GALK2: variants seen among roughly 807,000 people sequenced by gnomAD.
GALK2 encodes galactokinase 2.
In GALK2, 36 loss-of-function variants were observed where a neutral mutation model predicts 52.4. The observed-to-expected ratio is 0.69, with a 90% CI of 0.53 to 0.91. The LOEUF is 0.91. GALK2 is among the 40% of genes least tolerant of loss of function. GALK2 has a pLI of 0.00. For missense variants in GALK2, 579 were observed against 559.1 expected, an observed-to-expected ratio of 1.04 and a Z score of -0.36; for synonymous variants, 176 against 199.1, an observed-to-expected ratio of 0.88 and a Z score of 0.98.
At chr15:49,277,956 C>A (rs1160449691) in intron 5 of GALK2, among the ~76,000 whole-genome samples, 1 of 152,032 alleles carries the variant, frequency 6.6e-6, no homozygotes, top group Non-Finnish European at 1.5e-5. Context: ...TGTAAGTAGA[C>A]CCAAATGCTT....
chr15:49,263,968 G>A (rs1048912323), intron 5 of GALK2, among the ~76,000 whole-genome samples: 3 of 151,796 alleles, frequency 2.0e-5, no homozygotes, highest in Non-Finnish European at 4.4e-5. Context: ...TCCCTTTGAG[G>A]GTAACCCGAC....
chr15:49,266,618 G>C (rs569808695), intron 5 of GALK2, among the ~76,000 whole-genome samples: 19 of 152,172 alleles, frequency 1.2e-4, no homozygotes, highest in African/African-American at 4.6e-4. Flanking sequence ...GACATAGATC[G>C]CTTAAAACTG....
At chr15:49,206,825 A>G (rs2088328593) in intron 2 of GALK2, among the ~76,000 whole-genome samples, 1 of 152,054 alleles carries the variant, frequency 6.6e-6, no homozygotes, top group African/African-American at 2.4e-5. Flanking sequence ...TGAATGCCCT[A>G]TATTTCTTTC....
intron 3 of GALK2, among the ~76,000 whole-genome samples, chr15:49,340,108 C>G (rs554850238): frequency 4.6e-5 from 7 of 152,176 alleles, no homozygotes; most frequent in Non-Finnish European, 1.0e-4. Flanking sequence ...CTTCTGCCCC[C>G]TTTCCAGGGG....
At chr15:49,336,035 T>A (rs1240066591), downstream of GALK2, among the ~76,000 whole-genome samples, 1 of 152,142 alleles carries the variant, frequency 6.6e-6, no homozygotes, top group African/African-American at 2.4e-5. Context: ...TTCAAACTCC[T>A]GGGCTCTAGC....
chr15:49,196,808 A>G (rs1023740614), intron 1 of GALK2, among the ~76,000 whole-genome samples: 2 of 152,118 alleles, frequency 1.3e-5, no homozygotes, highest in East Asian at 3.8e-4. Context: ...CCATGTCTTC[A>G]TTTTGATTTG....
At position 49,220,645 on chromosome 15, in the gene GALK2, G is replaced by T. The variant is rs546196318; in HGVS notation, c.266+3332G>T. On this transcript the variant is annotated intron_variant, in intron 3 of 9. Coordinates refer to ENST00000560031, the MANE Select transcript of GALK2 (RefSeq NM_002044.4). The stretch of plus-strand genomic sequence containing the variant: ...ATGGTAGTTGTGTTTTTAGTGCTCT[G>T]AGAAATCTCCCTACTGTTTTGTATA... Among the ~76,000 whole-genome samples the T allele has an allele frequency of 2.0e-5, 3 of 152,256 alleles. No individual in the cohort carries two copies. The South Asian group carries it at 6.2e-4, about 32-fold the overall frequency.
chr15:49,186,770 C>A (rs995734467), intron 1 of GALK2, among the ~76,000 whole-genome samples: 1 of 152,124 alleles, frequency 6.6e-6, no homozygotes, highest in Non-Finnish European at 1.5e-5. Context: ...ATCTCTTGAC[C>A]TCATGATCCG....
At chr15:49,187,450 A>G (rs2086438493) in intron 1 of GALK2, among the ~76,000 whole-genome samples, 1 of 152,158 alleles carries the variant, frequency 6.6e-6, no homozygotes. Flanking sequence ...GTTACCACTG[A>G]TGCTCCCTCA....
chr15:49,246,098 A>T lies in GALK2; in HGVS notation c.504+6731A>T, dbSNP rs540581497. 3.9e-5 allele frequency among the ~76,000 whole-genome samples: 6 copies of T among 152,326 alleles called. No individual in the cohort carries two copies. In the South Asian group the frequency reaches 1.2e-3, roughly 32 times the overall value. Reference sequence around the variant, plus strand: ...TATGAACATTCTATGAAGTTTGGGTATCAAAAATCTTTCGCCAAGAAAATG... The same window carrying T: ...TATGAACATTCTATGAAGTTTGGGTTTCAAAAATCTTTCGCCAAGAAAATG... On this transcript the variant is annotated intron_variant, in intron 5 of 9. Coordinates refer to ENST00000560031, the MANE Select transcript of GALK2 (RefSeq NM_002044.4).
intron 3 of GALK2, among the ~76,000 whole-genome samples, chr15:49,358,483 C>T (rs1459261225): frequency 6.9e-6 from 1 of 144,180 alleles, no homozygotes; most frequent in African/African-American, 2.6e-5. Context: ...AACTCCCATT[C>T]ACAATTGCTT....
intron 3 of GALK2, among the ~76,000 whole-genome samples, chr15:49,223,811 C>G (rs1198764304): frequency 6.6e-6 from 1 of 151,890 alleles, no homozygotes; most frequent in East Asian, 1.9e-4. Flanking sequence ...TGCGTTGATT[C>G]CATGTGTTTG....
At chr15:49,257,297 T>C (rs531415559) in intron 5 of GALK2, among the ~76,000 whole-genome samples, 49 of 152,304 alleles carry the variant, frequency 3.2e-4, no homozygotes, top group Admixed American at 3.0e-3. Context: ...AGACTGTTCC[T>C]CTTGGATGTC....
chr15:49,329,284 A>T lies in GALK2; in HGVS notation c.*1125A>T. 1 of 985,492 alleles carries T rather than the reference A, an allele frequency of 1.0e-6. No homozygotes were observed. Among genetic ancestry groups the T allele is most frequent in the Non-Finnish European group, 1.2e-6 (1 of 829,970 alleles). 61.0% of individuals were successfully genotyped at this position (985,492 alleles called of 1,614,324 possible). A position where few individuals can be genotyped will look rare whatever the true frequency, so the allele number is the denominator to read the frequency against. ...AATGTTTGGCTGGTGATGGCAAATG[A>T]CTGGCTTTCTCTTGTGGATGGACTA... On this transcript the variant is annotated 3_prime_UTR_variant, in exon 10 of 10. Coordinates refer to ENST00000560031, the MANE Select transcript of GALK2 (RefSeq NM_002044.4).
chr15:49,308,205 C>T (rs550951885), intron 8 of GALK2, among the ~76,000 whole-genome samples: 48 of 152,264 alleles, frequency 3.2e-4, no homozygotes, highest in African/African-American at 1.1e-3. Flanking sequence ...GGACTCTGTT[C>T]TGGGTTCTGA....
intron 1 of GALK2, chr15:49,194,989 A>G: frequency 2.7e-6 from 1 of 375,110 alleles, no homozygotes; most frequent in Non-Finnish European, 5.2e-6. Flanking sequence ...TTGAATTTGT[A>G]AATTAACTTT....
At chr15:49,353,463 T>A (rs563233870) in intron 3 of GALK2, 1 of 152,238 alleles carries the variant, frequency 6.6e-6, no homozygotes, top group African/African-American at 2.4e-5. Flanking sequence ...GCCACAGGAT[T>A]TTTAGGCCTG....
intron 3 of GALK2, among the ~76,000 whole-genome samples, chr15:49,228,235 A>G (rs1410014013): frequency 1.3e-5 from 2 of 152,228 alleles, no homozygotes; most frequent in East Asian, 1.9e-4. Flanking sequence ...GGGATCTCTG[A>G]GCTTCCTGTA....
chr15:49,362,150 C>T (rs1044407462), intron 3 of GALK2, among the ~76,000 whole-genome samples: 10 of 151,976 alleles, frequency 6.6e-5, no homozygotes, highest in African/African-American at 2.4e-4. Flanking sequence ...CTCTGTGTCC[C>T]CACCCAAATC....
Sources: gnomAD v4.1 joint callset for allele counts (sites outside exome capture counted in the v4.1 genomes callset) on GRCh38, gnomAD v4.1.1 for gene constraint, MANE v1.5 for transcripts, NCBI Gene and HGNC (gene_info 2026-07-23, HGNC 2026-07-21) for gene names.